Variants in SULT1E1 observed in about 807,000 individuals in gnomAD.
SULT1E1 encodes the protein sulfotransferase 1E1.
A neutral mutation model predicts 33.6 loss-of-function variants in SULT1E1; 36 were observed. The ratio of observed to expected loss-of-function variants is 1.07; its 90% confidence interval spans 0.82 to 1.41. The LOEUF (loss-of-function observed/expected upper bound fraction) is 1.41. Ranked by LOEUF, SULT1E1 falls within the 40% of genes most tolerant of loss-of-function variation. The probability of loss-of-function intolerance (pLI) is 0.00; values close to 1 mark genes in which losing one functional copy is unlikely to be tolerated. For synonymous variants in SULT1E1, 121 were observed against 111.7 expected, an observed-to-expected ratio of 1.08 and a Z score of -0.53; for missense variants, 371 against 345.7, an observed-to-expected ratio of 1.07 and a Z score of -0.58.
At chr4:69,839,054 T>C (rs1720839156), downstream of SULT1E1, among the ~76,000 whole-genome samples, 1 of 152,238 alleles carries the variant, frequency 6.6e-6, no homozygotes, top group Non-Finnish European at 1.5e-5. Flanking sequence ...GTTGCTCAAG[T>C]TGAATTCTTA....
chr4:69,838,288 A>AT (rs929082046), downstream of SULT1E1, among the ~76,000 whole-genome samples: 201 of 146,694 alleles, frequency 1.4e-3, no homozygotes, highest in Admixed American at 2.3e-3. Flanking sequence ...AATTGTTTTT[A>AT]TTTTTTTTTT....
chr4:69,845,489 T>C (rs929668248), intron 6 of SULT1E1, among the ~76,000 whole-genome samples: 2 of 151,392 alleles, frequency 1.3e-5, no homozygotes, highest in Non-Finnish European at 3.0e-5. Flanking sequence ...AGAAAAAAGA[T>C]TATATGTATA....
intron 6 of SULT1E1, among the ~76,000 whole-genome samples, chr4:69,846,305 C>CAAAAAAAAAAAAAAAAAAAAAATA (rs34408656): frequency 9.3e-6 from 1 of 107,040 alleles, no homozygotes; most frequent in Non-Finnish European, 1.9e-5. Context: ...ACAAAACAAT[C>CAAAAAAAAAAAAAAAAAAAAAATA]AAAAAAAAAA....
intron 3 of SULT1E1, 133 bp from the exon 4 acceptor site, chr4:69,854,447 A>C: frequency 1.7e-6 from 1 of 589,742 alleles, no homozygotes; most frequent in Non-Finnish European, 2.8e-6. Flanking sequence ...AACACAAAGT[A>C]TAAATTCTTG....
intron 6 of SULT1E1, among the ~76,000 whole-genome samples, chr4:69,844,700 C>T (rs1277618932): frequency 5.3e-5 from 8 of 152,064 alleles, no homozygotes; most frequent in Non-Finnish European, 1.0e-4. Flanking sequence ...TAAAGATATA[C>T]AGGCAATTTT....
chr4:69,845,692 G>A (rs1207958747), intron 6 of SULT1E1, among the ~76,000 whole-genome samples: 1 of 151,202 alleles, frequency 6.6e-6, no homozygotes, highest in Non-Finnish European at 1.5e-5. Flanking sequence ...AAATATAGAG[G>A]AAACCTAAAC....
At chr4:69,844,117 C>T in intron 7 of SULT1E1, 44 bp downstream of exon 7, 1 of 1,596,728 alleles carries the variant, frequency 6.3e-7, no homozygotes, top group Non-Finnish European at 8.6e-7. Flanking sequence ...ACCATGTCAC[C>T]TTGTGACTTC....
At chr4:69,844,059 A>T in intron 7 of SULT1E1, 102 bp downstream of exon 7, 1 of 1,024,320 alleles carries the variant, frequency 9.8e-7, no homozygotes, top group Non-Finnish European at 1.5e-6. Context: ...AAGAAAACTT[A>T]AGCTGGGTTC....
At chr4:69,843,914 T>C (rs1429847540) in intron 7 of SULT1E1, among the ~76,000 whole-genome samples, 1 of 152,224 alleles carries the variant, frequency 6.6e-6, no homozygotes, top group Non-Finnish European at 1.5e-5. Context: ...AGTGTGATAC[T>C]ATTTCCAATG....
At chr4:69,822,531 A>G in the SULT1E1 span, among the ~76,000 whole-genome samples, 1 of 152,150 alleles carries the variant, frequency 6.6e-6, no homozygotes, top group South Asian at 2.1e-4. Context: ...TGGGAAGATC[A>G]TTTGAGCGTA....
intron 3 of SULT1E1, among the ~76,000 whole-genome samples, chr4:69,854,898 T>G (rs959009067): frequency 4.0e-4 from 61 of 152,082 alleles, no homozygotes; most frequent in Non-Finnish European, 6.5e-4. Flanking sequence ...TTAACTATTC[T>G]TTTGTCGATT....
At chr4:69,838,608 T>A (rs541562943), downstream of SULT1E1, 1 of 152,332 alleles carries the variant, frequency 6.6e-6, no homozygotes, top group East Asian at 1.9e-4. Flanking sequence ...CTCTTTTCTT[T>A]TTCTTTCCCT....
chr4:69,858,171 G>A (rs1307344075), intron 1 of SULT1E1, among the ~76,000 whole-genome samples: 4 of 152,012 alleles, frequency 2.6e-5, no homozygotes, highest in African/African-American at 7.2e-5. Flanking sequence ...CTTGGTGAAT[G>A]TATTTAAAAG....
intron 2 of SULT1E1, among the ~76,000 whole-genome samples, chr4:69,856,247 C>T (rs1178473215): frequency 6.6e-6 from 1 of 152,142 alleles, no homozygotes; most frequent in Non-Finnish European, 1.5e-5. Context: ...GGAGTTGGGG[C>T]TCAGGCAAGC....
At chr4:69,823,788 G>C in the SULT1E1 span, among the ~76,000 whole-genome samples, 9 of 152,132 alleles carry the variant, frequency 5.9e-5, no homozygotes, top group African/African-American at 1.7e-4. Context: ...TGCTATCTGA[G>C]CAGAAGTTCC....
chr4:69,850,891 A>G (rs140015465), intron 4 of SULT1E1, among the ~76,000 whole-genome samples: 5 of 152,090 alleles, frequency 3.3e-5, no homozygotes. Flanking sequence ...TCAATATCCC[A>G]AACTTTTTAC....
intron 3 of SULT1E1, 131 bp from the exon 4 acceptor site, chr4:69,854,445 G>C: frequency 5.1e-6 from 3 of 587,818 alleles, no homozygotes; most frequent in Non-Finnish European, 8.3e-6. Context: ...GTAACACAAA[G>C]TATAAATTCT....
the SULT1E1 span, among the ~76,000 whole-genome samples, chr4:69,824,864 C>G: frequency 6.6e-6 from 1 of 152,194 alleles, no homozygotes; most frequent in Non-Finnish European, 1.5e-5. Flanking sequence ...CCAGAGCCAG[C>G]AGTGGCAACC....
Position 69,848,549 on chromosome 4 carries a change from A to G in SULT1E1, c.497-757T>C, listed in dbSNP as rs573492923. 3.2e-4 allele frequency among the ~76,000 whole-genome samples: 48 copies of G among 151,968 alleles called. No individual in the cohort carries two copies. In the South Asian group the frequency reaches 6.8e-3, roughly 22 times the overall value. The stretch of plus-strand genomic sequence containing the variant: ...CTTACAGAAAATGTTCTACAGTGAA[A>G]TTTATAGTGATCTTATTTCTCCCTT... On this transcript the variant is annotated intron_variant, in intron 5 of 7. Transcript: ENST00000226444.
Sources: allele counts gnomAD v4.1 joint callset (sites outside exome capture counted in the v4.1 genomes callset), GRCh38; gene constraint gnomAD v4.1.1; transcripts MANE v1.5; gene names NCBI Gene and HGNC (gene_info 2026-07-23, HGNC 2026-07-21).